Variants in MROH7 observed in about 807,000 individuals in gnomAD.
MROH7 encodes the protein maestro heat like repeat family member 7.
In MROH7, 113 loss-of-function variants were observed where a neutral mutation model predicts 129.2. That is an observed-to-expected ratio of 0.87 (90% CI 0.75 to 1.02). The LOEUF (loss-of-function observed/expected upper bound fraction) is 1.02, where lower values mean the gene tolerates loss of function less well. MROH7 is among the 50% of genes least tolerant of loss of function. MROH7 has a pLI of 0.00. For missense variants in MROH7, 1,601 were observed against 1,671.3 expected, an observed-to-expected ratio of 0.96 and a Z score of 0.73; for synonymous variants, 655 against 667.9, an observed-to-expected ratio of 0.98 and a Z score of 0.30.
intron 4 of MROH7, among the ~76,000 whole-genome samples, chr1:54,666,343 A>G (rs1702009): frequency 0.32 from 47,858 of 151,470 alleles, 7,893 homozygotes; most frequent in South Asian, 0.52. Flanking sequence ...GGGCTCAGAA[A>G]CTTATATACC....
chr1:54,657,798 C>A (rs1192615548), intron 3 of MROH7, among the ~76,000 whole-genome samples: 1 of 151,922 alleles, frequency 6.6e-6, no homozygotes, highest in African/African-American at 2.4e-5. Flanking sequence ...GTAGCTGGGA[C>A]TACAGGTGTG....
Position 54,709,924 on chromosome 1 carries a change from T to TTC in MROH7, c.3731-19_3731-18dup, listed in dbSNP as rs1300640605. 5 of 1,604,140 alleles carry TTC rather than the reference T, an allele frequency of 3.1e-6. No homozygotes were observed. In the African/African-American group the frequency reaches 4.0e-5, roughly 13 times the overall value. ...AGGGCCCTGGGTCTTAATAGGAGGC[T>TTC]TCTCCCTTCCCCATGACGCAGCTCT... On this transcript the variant is annotated intron_variant, in intron 23 of 23. Coordinates refer to ENST00000421030, the MANE Select transcript of MROH7 (RefSeq NM_001039464.4).
rs566179936 is a variant in MROH7 at position 54,654,102 on chromosome 1, C to T, written c.1176C>T (p.Phe392=). Residue 392 remains phenylalanine (F), a synonymous_variant, in exon 3 of 24, where the codon TTC becomes TTT. Coordinates refer to ENST00000421030, the MANE Select transcript of MROH7 (RefSeq NM_001039464.4). The part of the protein sequence containing the change: ...SIKVGQFPLG[F]PISNPAGKDA... The stretch of plus-strand genomic sequence containing the variant: ...AGGTGGGCCAGTTCCCGCTGGGATT[C>T]CCCATCTCCAACCCCGCAGGCAAGG... 1.2e-6 allele frequency: 2 copies of T among 1,613,854 alleles called. No homozygotes were observed. Among genetic ancestry groups the T allele is most frequent in the South Asian group, 1.1e-5 (1 of 91,012 alleles).
chr1:54,669,479 A>G (rs484220), intron 5 of MROH7, among the ~76,000 whole-genome samples: 59,069 of 151,970 alleles, frequency 0.39, 12,202 homozygotes, highest in South Asian at 0.54. Context: ...CATTAATTGA[A>G]CATCTGCTAT....
At chr1:54,647,058 T>C (rs1416256688) in intron 1 of MROH7, among the ~76,000 whole-genome samples, 3 of 152,242 alleles carry the variant, frequency 2.0e-5, no homozygotes, top group African/African-American at 7.2e-5. Flanking sequence ...GCTATTTGGG[T>C]TGTTTCCACC....
rs1244456960 is a variant in MROH7, at chr1:54,692,466, C to T, written c.2754C>T (p.Gly918=). 1.2e-6 allele frequency: 2 copies of T among 1,613,982 alleles called. No homozygotes were observed. Among genetic ancestry groups the T allele is most frequent in the African/African-American group, 2.7e-5 (2 of 74,920 alleles). Residue 918 remains glycine (G), a synonymous_variant, in exon 16 of 24, where the codon GGC becomes GGT. Coordinates refer to ENST00000421030, the MANE Select transcript of MROH7 (RefSeq NM_001039464.4). ...TGAAAACCCTGCTACTGAGGATGGG[C>T]TGCTCTTATGAGACCACGTTTCTGG... The part of the protein sequence containing the change: ...KVVKTLLLRM[G]CSYETTFLED...
Position 54,703,764 on chromosome 1 carries a change from C to T in MROH7, c.3564+1019C>T, listed in dbSNP as rs144932160. 5.5e-3 allele frequency among the ~76,000 whole-genome samples: 842 copies of T among 152,218 alleles called. 5 individuals are homozygous for T. The highest frequency in any genetic ancestry group is 9.8e-3 in the Non-Finnish European group (669 of 68,008). The stretch of plus-strand genomic sequence containing the variant: ...CCCTGTTGTTGTGGGCAGCAGTGAG[C>T]ATATGAGGGAGTGCCCCTGGGACCA... On this transcript the variant is annotated intron_variant, in intron 21 of 23. Coordinates refer to ENST00000421030, the MANE Select transcript of MROH7 (RefSeq NM_001039464.4). The surrounding 1 kb of genome is among the most constrained non-coding windows in gnomAD (Gnocchi z 4.4).
intron 3 of MROH7, among the ~76,000 whole-genome samples, chr1:54,658,077 A>G (rs1644676121): frequency 6.6e-6 from 1 of 152,188 alleles, no homozygotes; most frequent in Non-Finnish European, 1.5e-5. Context: ...CAAACTCCAT[A>G]TGCATTAAAC....
At chr1:54,706,788 T>C (rs1168053992) in intron 22 of MROH7, among the ~76,000 whole-genome samples, 1 of 152,212 alleles carries the variant, frequency 6.6e-6, no homozygotes, top group Non-Finnish European at 1.5e-5. Flanking sequence ...CAACTGTATA[T>C]GGCAGAACTG....
At position 54,710,043 on chromosome 1, in the gene MROH7, G is replaced by A; in HGVS notation, c.3828G>A (p.Trp1276Ter). 6.2e-7 allele frequency: 1 copy of A among 1,614,126 alleles called. No homozygotes were observed. Among genetic ancestry groups the A allele is most frequent in the Non-Finnish European group, 8.5e-7 (1 of 1,180,030 alleles). The change falls in exon 24 of 24, where the codon TGG becomes TGA. Residue 1276 changes from tryptophan (W) to a stop codon, truncating the protein, a stop_gained. Transcript: ENST00000421030. LOFTEE classifies it high-confidence loss of function. ...HILASCWQNS[W>*]LPHGNSWVCY... ...TGGCCAGCTGCTGGCAGAACTCCTG[G>A]CTGCCGCACGGGAACTCATGGGTGT...
intron 1 of MROH7, among the ~76,000 whole-genome samples, chr1:54,650,174 C>T (rs1644532287): frequency 6.6e-6 from 1 of 152,198 alleles, no homozygotes; most frequent in Non-Finnish European, 1.5e-5. Flanking sequence ...ACTGTAACTA[C>T]AATCACCCCT....
chr1:54,642,786 T>C (rs979388114), intron 1 of MROH7, among the ~76,000 whole-genome samples: 1 of 151,858 alleles, frequency 6.6e-6, no homozygotes, highest in African/African-American at 2.4e-5. Context: ...GGCTAATTTT[T>C]GTATTTTTTG....
intron 3 of MROH7, among the ~76,000 whole-genome samples, chr1:54,661,792 C>T (rs534547494): frequency 6.9e-4 from 105 of 152,152 alleles, no homozygotes; most frequent in Non-Finnish European, 1.2e-3. Flanking sequence ...GACGGAGTTT[C>T]GCCACATTGG....
intron 22 of MROH7, among the ~76,000 whole-genome samples, chr1:54,707,813 A>T (rs551388714): frequency 1.4e-4 from 22 of 152,240 alleles, no homozygotes; most frequent in African/African-American, 4.8e-4. Flanking sequence ...CTCTGAAGAA[A>T]ATTATGAATA....
chr1:54,653,836 T>C lies in MROH7; in HGVS notation c.910T>C (p.Ser304Pro), dbSNP rs766561728. ...QASYVTLIPGSSYGISLHSST... is the reference protein window; with the variant it reads ...QASYVTLIPGPSYGISLHSST... ...CTCGTATGTGACCCTGATTCCTGGC[T>C]CCAGCTATGGTATCAGCCTGCACTC... Residue 304 changes from serine (S) to proline (P), a missense_variant, in exon 3 of 24, where the codon TCC becomes CCC. By Grantham distance (74) the Ser-to-Pro change is moderately conservative (BLOSUM62 -1). Coordinates refer to ENST00000421030, the MANE Select transcript of MROH7 (RefSeq NM_001039464.4). 1.1e-5 allele frequency: 18 copies of C among 1,613,966 alleles called. No homozygotes were observed. The highest frequency in any genetic ancestry group is 1.4e-5 in the Non-Finnish European group (16 of 1,179,990).
At chr1:54,679,759 C>T in intron 12 of MROH7, 132 bp from the exon 13 acceptor site, 2 of 876,726 alleles carry the variant, frequency 2.3e-6, no homozygotes, top group East Asian at 2.5e-5. Context: ...TTGCCTCTTC[C>T]TCTCTCTCTC....
intron 15 of MROH7, among the ~76,000 whole-genome samples, chr1:54,692,099 G>A (rs181962889): frequency 6.6e-6 from 1 of 152,080 alleles, no homozygotes; most frequent in Non-Finnish European, 1.5e-5. Flanking sequence ...AGAAGGACTC[G>A]GCCCACATAG....
chr1:54,673,556 A>G, intron 8 of MROH7, 145 bp from the exon 9 acceptor site: 1 of 664,964 alleles, frequency 1.5e-6, no homozygotes, highest in Non-Finnish European at 2.7e-6. Context: ...ATCTCTGCCT[A>G]TACCCCAAGA....
chr1:54,680,219 T>G (rs1645047869), intron 13 of MROH7, among the ~76,000 whole-genome samples, 174 bp downstream of exon 13: 1 of 152,216 alleles, frequency 6.6e-6, no homozygotes. Flanking sequence ...ACTGCTGCTG[T>G]CAGCGCCGAG....
Sources: gnomAD v4.1 joint callset for allele counts (sites outside exome capture counted in the v4.1 genomes callset) on GRCh38, gnomAD v4.1.1 for gene constraint, Gnocchi (gnomAD v3.1) non-coding constraint, MANE v1.5 for transcripts, NCBI Gene and HGNC (gene_info 2026-07-23, HGNC 2026-07-21) for gene names.